The following PTPN21 variants were observed in gnomAD, a reference collection of about 807,000 sequenced individuals.
PTPN21 encodes tyrosine-protein phosphatase non-receptor type 21.
A neutral mutation model predicts 131.8 loss-of-function variants in PTPN21; 77 were observed. That is an observed-to-expected ratio of 0.58 (90% confidence interval 0.49 to 0.71). The LOEUF (loss-of-function observed/expected upper bound fraction) is 0.71. PTPN21 is among the 30% of genes least tolerant of loss of function. PTPN21 has a pLI of 0.00. For synonymous variants in PTPN21, 715 were observed against 621.3 expected (o/e 1.15, Z -2.24); for missense variants, 1,552 against 1,527.1 (o/e 1.02, Z -0.27).
At position 88,469,565 on chromosome 14, in the gene PTPN21, C is replaced by G; in HGVS notation, c.3169G>C (p.Val1057Leu). The G allele has an allele frequency of 6.2e-7, 1 of 1,614,146 alleles. No individual in the cohort carries two copies. The highest frequency in any genetic ancestry group is 8.5e-7 in the Non-Finnish European group (1 of 1,180,038). ...CAGTCTGTGTATTGGAGGTGCCAGA[C>G]GGTCCTCTCTTGCCCAGTAAGGAGG... ...KHLLTGQERT[V>L]WHLQYTDWPE... Residue 1057 changes from valine (V) to leucine (L), a missense_variant, in exon 17 of 19, where the codon GTC (valine) becomes CTC (leucine). Physicochemically the swap from Val to Leu is conservative, Grantham distance 32 (BLOSUM62 1). Transcript: ENST00000556564. The surrounding 1 kb of genome is among the most constrained non-coding windows in gnomAD (Gnocchi z 4.3).
chr14:88,468,234 A>G lies in PTPN21; in HGVS notation c.3428T>C (p.Leu1143Pro), dbSNP rs776710731. The change falls in exon 19 of 19, where the codon CTG becomes CCG. Residue 1143 changes from leucine to proline, a missense_variant. This residue lies in a region of PTPN21 where 316 missense variants were observed against 378.5 expected (regional missense o/e 0.83). Coordinates refer to ENST00000556564, the MANE Select transcript of PTPN21 (RefSeq NM_007039.4). ...CACCAGCATCATTCTCTGTTGCCTC[A>G]GCATGTCCAGCACTCTCGGGATGTC... is the stretch of plus-strand genomic sequence containing the variant. ...VLDIPRVLDMLRQQRMMLVQT... is the reference protein window; with the variant it reads ...VLDIPRVLDMPRQQRMMLVQT... The G allele has an allele frequency of 6.2e-7, 1 of 1,609,928 alleles. No individual in the cohort carries two copies. The highest frequency in any genetic ancestry group is 8.5e-7 in the Non-Finnish European group (1 of 1,177,390).
At chr14:88,511,549 GTAA>G (rs2078183613) in intron 3 of PTPN21, among the ~76,000 whole-genome samples, 1 of 152,108 alleles carries the variant, frequency 6.6e-6, no homozygotes, top group Non-Finnish European at 1.5e-5. Flanking sequence ...GTGGGCACCT[GTAA>G]TCCCAGCTAC....
chr14:88,468,079 CTTT>C lies in PTPN21; in HGVS notation c.*55_*57del. 6.4e-7 allele frequency: 1 copy of C among 1,564,874 alleles called. No homozygotes were observed. On this transcript the variant is annotated 3_prime_UTR_variant, in exon 19 of 19. Transcript: ENST00000556564. ...CGGGAAAGTATGAGTTAGGCAAGCG[CTTT>C]TTTTTTAAGCTGTAAACGCTTCACA...
At chr14:88,508,159 T>C in intron 3 of PTPN21, 139 bp from the exon 4 acceptor site, 1 of 542,880 alleles carries the variant, frequency 1.8e-6, no homozygotes, top group Non-Finnish European at 3.2e-6. Flanking sequence ...TGTTTTTTTT[T>C]TTTTTTTTAG....
intron 15 of PTPN21, chr14:88,470,481 C>T (rs1595337522): frequency 1.2e-5 from 2 of 166,888 alleles, no homozygotes; most frequent in South Asian, 3.2e-4. Flanking sequence ...CACCTCTGAA[C>T]TTCTGAGTCA....
intron 12 of PTPN21, among the ~76,000 whole-genome samples, chr14:88,483,084 T>A (rs1595356468): frequency 6.6e-6 from 1 of 151,080 alleles, no homozygotes; most frequent in Non-Finnish European, 1.5e-5. Flanking sequence ...TGGTGGCGGG[T>A]GCCTGTAGTC....
intron 10 of PTPN21, among the ~76,000 whole-genome samples, chr14:88,493,871 C>A (rs978824445): frequency 6.6e-6 from 1 of 152,158 alleles, no homozygotes; most frequent in South Asian, 2.1e-4. Flanking sequence ...AATCAGAGCT[C>A]TTAACACCTG....
Position 88,518,414 on chromosome 14 carries a change from A to AT in PTPN21, c.181-1154dup, listed in dbSNP as rs869305749. On this transcript the variant is annotated intron_variant, in intron 2 of 18. Transcript: ENST00000556564. ...TATATATATATATATATATATATAT[A>AT]TTTTTTTTTTTTTTTTTTTTTTTTT... Among the ~76,000 whole-genome samples, 7 of 10,790 alleles carry AT rather than the reference A, an allele frequency of 6.5e-4. 1 individual carries two copies. Among genetic ancestry groups the AT allele is most frequent in the Non-Finnish European group, 1.3e-3 (7 of 5,370 alleles). The allele number at this position is 10,790 out of a possible 152,430, so 7.1% of individuals were successfully genotyped here.
chr14:88,482,613 C>CAAAAGAAAAGAAAAGAAAAGAAAAG (rs147441767), intron 12 of PTPN21, among the ~76,000 whole-genome samples: 5 of 150,872 alleles, frequency 3.3e-5, no homozygotes, highest in African/African-American at 1.2e-4. Context: ...AACTCCATCT[C>CAAAAGAAAAGAAAAGAAAAGAAAAG]AAAAGAAAAG....
chr14:88,524,255 T>C (rs1200031021), intron 2 of PTPN21, among the ~76,000 whole-genome samples: 1 of 152,198 alleles, frequency 6.6e-6, no homozygotes, highest in East Asian at 1.9e-4. Flanking sequence ...ATCCAAACTG[T>C]GTGGTACTGG....
At chr14:88,517,290 G>T (rs114127872) in intron 2 of PTPN21, 29 bp from the exon 3 acceptor site, 1 of 1,606,754 alleles carries the variant, frequency 6.2e-7, no homozygotes, top group Admixed American at 1.7e-5. Context: ...ATTGAAGGAG[G>T]CAATAACATA....
chr14:88,486,860 C>T (rs2077741272), intron 10 of PTPN21, among the ~76,000 whole-genome samples: 1 of 151,550 alleles, frequency 6.6e-6, no homozygotes, highest in African/African-American at 2.4e-5. Flanking sequence ...CCTATAATCC[C>T]AGCTACTCGG....
intron 2 of PTPN21, among the ~76,000 whole-genome samples, chr14:88,523,778 A>G (rs1446860182): frequency 6.6e-6 from 1 of 151,726 alleles, no homozygotes; most frequent in Non-Finnish European, 1.5e-5. Flanking sequence ...TCGAGGTAAT[A>G]CATTCAGTGA....
chr14:88,513,433 G>C (rs1459127815), intron 3 of PTPN21: 2 of 152,364 alleles, frequency 1.3e-5, no homozygotes, highest in Non-Finnish European at 1.5e-5. Flanking sequence ...CCAAAGTGCT[G>C]GGATTATAGG....
Position 88,505,344 on chromosome 14 carries a change from T to G in PTPN21, c.476A>C (p.Glu159Ala). ...AAATTTCTGAAGAAAGTCCTGGGATTCATACTGATCAAAGTCACCAAAATC... is the reference window on the plus strand; with the variant it reads ...AAATTTCTGAAGAAAGTCCTGGGATGCATACTGATCAAAGTCACCAAAATC... The part of the protein sequence containing the change: ...QADFGDFDQY[E>A]SQDFLQKFAL... Residue 159 changes from glutamate to alanine, a missense_variant, in exon 5 of 19, where the codon GAA becomes GCA. By Grantham distance (107) the Glu-to-Ala change is moderately radical. Coordinates refer to ENST00000556564, the MANE Select transcript of PTPN21 (RefSeq NM_007039.4). 6.2e-7 allele frequency: 1 copy of G among 1,609,246 alleles called. No homozygotes were observed. The highest frequency in any genetic ancestry group is 8.5e-7 in the Non-Finnish European group (1 of 1,176,668).
intron 3 of PTPN21, among the ~76,000 whole-genome samples, chr14:88,515,872 A>G (rs1048338004): frequency 6.6e-6 from 1 of 152,210 alleles, no homozygotes; most frequent in African/African-American, 2.4e-5. Context: ...AAATGAGTTA[A>G]AGTGATCAGT....
chr14:88,479,579 G>A lies in PTPN21; in HGVS notation c.1852C>T (p.Gln618Ter). 1 of 1,593,714 alleles carries A rather than the reference G, an allele frequency of 6.3e-7. No individual in the cohort carries two copies. The highest frequency in any genetic ancestry group is 1.3e-5 in the African/African-American group (1 of 74,716). ...GCGGTGAGGGGCTCGCTGACCTCCT[G>A]CAGCGAGTGCGCCACGGGCAGGCTG... The part of the protein sequence containing the change: ...EDSLPVAHSL[Q>*]EVSEPLTAAR... Residue 618 changes from glutamine to a stop codon, truncating the protein, a stop_gained, in exon 13 of 19, where the codon CAG becomes TAG. Transcript: ENST00000556564. LOFTEE classifies it high-confidence loss of function.
chr14:88,475,675 A>G (rs1201006207), intron 13 of PTPN21, among the ~76,000 whole-genome samples: 2 of 152,214 alleles, frequency 1.3e-5, no homozygotes, highest in Non-Finnish European at 1.5e-5. Flanking sequence ...GTTTGCCCAT[A>G]TCCATGGTGT....
At chr14:88,468,321 G>C (rs564588767) in intron 18 of PTPN21, 56 bp from the exon 19 acceptor site, 1 of 1,487,984 alleles carries the variant, frequency 6.7e-7, no homozygotes, top group African/African-American at 1.4e-5. Context: ...AGACAGAAAG[G>C]ATGGGAGGAC....
Sources: gnomAD v4.1 joint callset for allele counts (sites outside exome capture counted in the v4.1 genomes callset) on GRCh38, gnomAD v4.1.1 for gene constraint, gnomAD v4.1.1 regional missense constraint, Gnocchi (gnomAD v3.1) non-coding constraint, MANE v1.5 for transcripts, NCBI Gene and HGNC (gene_info 2026-07-23, HGNC 2026-07-21) for gene names.